CELF2: variants seen among roughly 807,000 people sequenced by gnomAD.
The protein encoded by CELF2 is CUG triplet repeat RNA-binding protein 2.
CELF2 carries 8 observed loss-of-function variants against 62.6 expected under a neutral mutation model. That is an observed-to-expected ratio of 0.13 (90% CI 0.07 to 0.23). The LOEUF is 0.23. CELF2 is among the 10% of genes least tolerant of loss of function. The pLI, the probability that CELF2 is intolerant of heterozygous loss-of-function variation, is 1.00. For missense variants in CELF2, 333 were observed against 671.0 expected (o/e 0.50, Z 5.56); for synonymous variants, 258 against 250.0 (o/e 1.03, Z -0.30).
chr10:10,903,453 T>C (rs909100679), intron 1 of CELF2, among the ~76,000 whole-genome samples: 7 of 152,092 alleles, frequency 4.6e-5, no homozygotes, highest in Non-Finnish European at 8.8e-5. Flanking sequence ...GCAAACCCAA[T>C]TGATGAAAAT....
chr10:11,066,669 G>A (rs2068250274), intron 1 of CELF2, among the ~76,000 whole-genome samples: 1 of 152,200 alleles, frequency 6.6e-6, no homozygotes, highest in Non-Finnish European at 1.5e-5. Flanking sequence ...GCTGGGGTGT[G>A]CATGTGGGTT....
chr10:10,739,596 C>T, the CELF2 span, among the ~76,000 whole-genome samples: 3 of 152,288 alleles, frequency 2.0e-5, no homozygotes, highest in African/African-American at 7.2e-5. Context: ...AAAATACTAT[C>T]ATTCAAACTA....
chr10:10,890,105 A>G (rs886654198), intron 1 of CELF2, among the ~76,000 whole-genome samples: 5 of 152,194 alleles, frequency 3.3e-5, no homozygotes, highest in Admixed American at 3.3e-4. Flanking sequence ...TGGCATGTAG[A>G]TATGATGAGT....
intron 1 of CELF2, among the ~76,000 whole-genome samples, chr10:10,841,532 A>G (rs1368088420): frequency 2.0e-5 from 3 of 150,508 alleles, no homozygotes; most frequent in Non-Finnish European, 4.4e-5. Flanking sequence ...TTCCCCATTG[A>G]ATTGCCTTTG....
At chr10:10,823,046 A>G (rs2132021541) in intron 1 of CELF2, among the ~76,000 whole-genome samples, 1 of 152,322 alleles carries the variant, frequency 6.6e-6, no homozygotes, top group African/African-American at 2.4e-5. Flanking sequence ...TGGGTTATTG[A>G]GAATAAAATA....
intron 1 of CELF2, among the ~76,000 whole-genome samples, chr10:10,801,686 C>T (rs1268568430): frequency 6.6e-6 from 1 of 152,174 alleles, no homozygotes; most frequent in African/African-American, 2.4e-5. Context: ...AAGCATATTA[C>T]AAGGCAAAAA....
chr10:11,130,972 C>T (rs899763261), intron 1 of CELF2, among the ~76,000 whole-genome samples: 3 of 152,220 alleles, frequency 2.0e-5, no homozygotes. Flanking sequence ...AAGAGACGCT[C>T]ATGGAAACAT....
chr10:10,701,949 T>C, the CELF2 span, among the ~76,000 whole-genome samples: 1 of 152,312 alleles, frequency 6.6e-6, no homozygotes, highest in South Asian at 2.1e-4. Context: ...GAAAAGTGCT[T>C]AAATCTGCAG....
At chr10:10,659,637 C>G in the CELF2 span, among the ~76,000 whole-genome samples, 1 of 152,150 alleles carries the variant, frequency 6.6e-6, no homozygotes, top group South Asian at 2.1e-4. Flanking sequence ...GTTCCCAGAC[C>G]CTTCAAACCA....
chr10:10,895,779 G>A (rs952279517), intron 1 of CELF2, among the ~76,000 whole-genome samples: 2 of 151,786 alleles, frequency 1.3e-5, no homozygotes, highest in African/African-American at 4.8e-5. Flanking sequence ...CATACTTTTG[G>A]AAAAAAAATA....
At chr10:10,741,580 TG>T in the CELF2 span, among the ~76,000 whole-genome samples, 3 of 152,050 alleles carry the variant, frequency 2.0e-5, no homozygotes, top group Non-Finnish European at 4.4e-5. Flanking sequence ...ATTTAGAGTT[TG>T]TCTGATGTGC....
At position 10,854,108 on chromosome 10, in the gene CELF2, G is replaced by T. The variant is rs183756155; in HGVS notation, c.53+55291G>T. On this transcript the variant is annotated intron_variant, in intron 1 of 13. Transcript: ENST00000636488. Reference sequence around the variant, plus strand: ...TAAATATGTATTTTACACATTACTTGCAAAATGCCAAGTCATGAATACCTA... The same window carrying T: ...TAAATATGTATTTTACACATTACTTTCAAAATGCCAAGTCATGAATACCTA... Among the ~76,000 whole-genome samples the T allele has an allele frequency of 3.3e-5, 5 of 152,196 alleles. No individual in the cohort carries two copies. The East Asian group carries it at 9.7e-4, about 29-fold the overall frequency.
chr10:11,001,922 C>T (rs1296128768), upstream of CELF2, among the ~76,000 whole-genome samples: 5 of 152,116 alleles, frequency 3.3e-5, no homozygotes, highest in Non-Finnish European at 1.5e-5. Context: ...AGGCTCAACT[C>T]GACCTTCATT....
the CELF2 span, among the ~76,000 whole-genome samples, chr10:10,704,721 CAT>C: frequency 6.6e-6 from 1 of 152,024 alleles, no homozygotes; most frequent in Non-Finnish European, 1.5e-5. Context: ...GCTGTCTGAA[CAT>C]ATGTCTCCTG....
chr10:11,257,528 G>A (rs1316504232), intron 4 of CELF2: 7 of 527,046 alleles, frequency 1.3e-5, no homozygotes, highest in South Asian at 4.9e-5. Flanking sequence ...ACAAGCACAC[G>A]GGGAGATGGG....
chr10:11,226,672 G>A (rs1008776395), intron 3 of CELF2, among the ~76,000 whole-genome samples: 13 of 151,776 alleles, frequency 8.6e-5, no homozygotes, highest in Non-Finnish European at 1.9e-4. Flanking sequence ...CAGGGGCATC[G>A]GGGCACCTGG....
rs2072002181 is a variant in CELF2 at position 11,178,347 on chromosome 10, CAG to C, written c.271+12666_271+12667del. Among the ~76,000 whole-genome samples the C allele has an allele frequency of 1.3e-5, 2 of 152,186 alleles. No homozygotes were observed. The highest frequency in any genetic ancestry group is 1.3e-4 in the Admixed American group (2 of 15,282). ...TCTTAGCTGTTCTGCAAGTCCAGCA[CAG>C]GGTGTATTCAGCTCTAGAGGTGGCA... On this transcript the variant is annotated intron_variant, in intron 2 of 12. Transcript: ENST00000633077. The surrounding 1 kb of genome is among the most constrained non-coding windows in gnomAD (Gnocchi z 4.3).
intron 2 of CELF2, chr10:10,925,035 T>C: frequency 6.6e-6 from 1 of 152,182 alleles, no homozygotes; most frequent in East Asian, 1.9e-4. Flanking sequence ...CAGTCATGGA[T>C]GTGACAGATC....
intron 1 of CELF2, among the ~76,000 whole-genome samples, chr10:10,831,464 G>C (rs1170749809): frequency 1.3e-5 from 2 of 152,222 alleles, no homozygotes; most frequent in Non-Finnish European, 2.9e-5. Flanking sequence ...AAATCCTCAA[G>C]GAACGTGTTG....
Sources: allele counts gnomAD v4.1 joint callset (sites outside exome capture counted in the v4.1 genomes callset), GRCh38; gene constraint gnomAD v4.1.1; non-coding constraint Gnocchi (gnomAD v3.1); transcripts MANE v1.5; gene names NCBI Gene and HGNC (gene_info 2026-07-23, HGNC 2026-07-21).